SYT17: variants seen among roughly 807,000 people sequenced by gnomAD.
The protein encoded by SYT17 is synaptotagmin-17.
In SYT17, 22 loss-of-function variants were observed where a neutral mutation model predicts 46.7. The observed-to-expected ratio is 0.47, with a 90% confidence interval of 0.34 to 0.67. The LOEUF (loss-of-function observed/expected upper bound fraction) is 0.67, where lower values mean the gene tolerates loss of function less well. SYT17 is among the 30% of genes least tolerant of loss of function. The pLI is 0.01. For synonymous variants in SYT17, 251 were observed against 248.4 expected, an observed-to-expected ratio of 1.01 and a Z score of -0.10; for missense variants, 519 against 612.8, an observed-to-expected ratio of 0.85 and a Z score of 1.62.
intron 5 of SYT17, among the ~76,000 whole-genome samples, chr16:19,190,872 C>T (rs373655649): frequency 4.6e-5 from 7 of 151,726 alleles, no homozygotes; most frequent in South Asian, 2.1e-4. Flanking sequence ...CAATGGACAA[C>T]GGTGCCTCCA....
intron 7 of SYT17, among the ~76,000 whole-genome samples, chr16:19,238,748 A>G (rs1966887446): frequency 6.6e-6 from 1 of 151,862 alleles, no homozygotes; most frequent in African/African-American, 2.4e-5. Context: ...GGCCTAAGCT[A>G]TACGAGGGGT....
intron 5 of SYT17, among the ~76,000 whole-genome samples, chr16:19,197,239 C>T (rs1348942422): frequency 2.6e-5 from 4 of 152,220 alleles, no homozygotes; most frequent in African/African-American, 9.6e-5. Context: ...CAGAGCTGGG[C>T]CCAGGCCAGC....
intron 7 of SYT17, among the ~76,000 whole-genome samples, chr16:19,231,162 T>C (rs952791551): frequency 6.6e-6 from 1 of 152,202 alleles, no homozygotes; most frequent in African/African-American, 2.4e-5. Flanking sequence ...GGTAAAGTTT[T>C]GGAGAAATCC....
chr16:19,229,062 T>G (rs1966592047), intron 7 of SYT17, among the ~76,000 whole-genome samples: 1 of 152,204 alleles, frequency 6.6e-6, no homozygotes, highest in Non-Finnish European at 1.5e-5. Flanking sequence ...AAATTGCTTT[T>G]CACCGCCCAA....
intron 5 of SYT17, among the ~76,000 whole-genome samples, chr16:19,208,064 A>G (rs1048206758): frequency 7.2e-5 from 11 of 152,220 alleles, no homozygotes; most frequent in Non-Finnish European, 1.2e-4. Context: ...ACCTCTTTAA[A>G]AAGTCAGAAA....
At chr16:19,197,446 G>GTTA (rs199952278) in intron 5 of SYT17, among the ~76,000 whole-genome samples, 1 of 149,172 alleles carries the variant, frequency 6.7e-6, no homozygotes, top group Admixed American at 6.7e-5. Context: ...TTGTTTGTTT[G>GTTA]TTATTATTAT....
rs1362074636 is a variant in SYT17 at position 19,168,750 on chromosome 16, C to G, written c.15+89C>G. Reference sequence around the variant, plus strand: ...GGGAGCGCGCGGAAGGGAGGGCCCACGGCTAGGCTCCCACAAACTTGCTTC... The same window carrying G: ...GGGAGCGCGCGGAAGGGAGGGCCCAGGGCTAGGCTCCCACAAACTTGCTTC... On this transcript the variant is annotated intron_variant, in intron 1 of 7. Transcript: ENST00000355377. This position sits in a 1 kb window ranked among gnomAD's most constrained non-coding sequence, Gnocchi z 6.9. The G allele has an allele frequency of 1.5e-6, 2 of 1,379,304 alleles. No homozygotes were observed. Among genetic ancestry groups the G allele is most frequent in the Non-Finnish European group, 9.5e-7 (1 of 1,049,116 alleles). The allele number at this position is 1,379,304 out of a possible 1,614,324, so 85.4% of individuals were successfully genotyped here.
intron 5 of SYT17, among the ~76,000 whole-genome samples, chr16:19,203,358 G>A (rs528895308): frequency 9.9e-5 from 15 of 151,894 alleles, no homozygotes; most frequent in African/African-American, 3.4e-4. Flanking sequence ...ATAGCTGGGC[G>A]TGGTGGTGCA....
chr16:19,178,340 C>T (rs1276534300), intron 3 of SYT17, among the ~76,000 whole-genome samples: 4 of 152,034 alleles, frequency 2.6e-5, no homozygotes, highest in Non-Finnish European at 5.9e-5. Context: ...CCGCCTCAGC[C>T]TCCCAAAATG....
At chr16:19,205,502 T>C (rs1965634608) in intron 5 of SYT17, among the ~76,000 whole-genome samples, 1 of 151,908 alleles carries the variant, frequency 6.6e-6, no homozygotes. Context: ...TACAGTGGCG[T>C]GATCTCAGCT....
intron 5 of SYT17, chr16:19,211,292 A>G (rs1965889190): frequency 3.1e-6 from 2 of 638,532 alleles, no homozygotes; most frequent in Middle Eastern, 3.0e-4. Context: ...TGGATAGGAC[A>G]GGGGGTGGAA....
intron 7 of SYT17, among the ~76,000 whole-genome samples, chr16:19,250,891 C>A (rs1968012798): frequency 6.6e-6 from 1 of 152,154 alleles, no homozygotes; most frequent in African/African-American, 2.4e-5. Context: ...TCCCCCTCCC[C>A]CAGGGCAGCC....
intron 7 of SYT17, among the ~76,000 whole-genome samples, chr16:19,235,665 A>G (rs776639140): frequency 6.6e-6 from 1 of 152,232 alleles, no homozygotes; most frequent in Non-Finnish European, 1.5e-5. Flanking sequence ...TATTATAACC[A>G]TGCTCCACGA....
chr16:19,200,928 G>T (rs958651957), intron 5 of SYT17, among the ~76,000 whole-genome samples: 5 of 152,140 alleles, frequency 3.3e-5, no homozygotes, highest in African/African-American at 4.8e-5. Context: ...GCAGAAGGTC[G>T]GATCAGCTCA....
chr16:19,268,199 CTCTCTCTCTCTCTCTT>C lies in SYT17; in HGVS notation c.*1137_*1152del, dbSNP rs1969491359. The C allele has an allele frequency of 9.4e-6, 1 of 106,940 alleles. No individual in the cohort carries two copies. The highest frequency in any genetic ancestry group is 1.1e-4 in the Admixed American group (1 of 9,106). The allele number at this position is 106,940 out of a possible 1,614,324, so 6.6% of individuals were successfully genotyped here. A position where few individuals can be genotyped will look rare whatever the true frequency, so the allele number is the denominator to read the frequency against. ...AGGAATTAGTGTAGTTAGAATAGAT[CTCTCTCTCTCTCTCTT>C]TCTCTCTCTCTCTTTCCTCTCTCTC... On this transcript the variant is annotated 3_prime_UTR_variant, in exon 8 of 8. Transcript: ENST00000355377.
chr16:19,193,145 C>T (rs1017961391), intron 5 of SYT17, among the ~76,000 whole-genome samples: 2 of 152,340 alleles, frequency 1.3e-5, no homozygotes, highest in African/African-American at 2.4e-5. Flanking sequence ...CATAAGCTGG[C>T]GTGGCAAGTG....
chr16:19,209,384 A>G (rs1223761384), intron 5 of SYT17, among the ~76,000 whole-genome samples: 1 of 152,252 alleles, frequency 6.6e-6, no homozygotes, highest in Non-Finnish European at 1.5e-5. Flanking sequence ...ATGAGAAAGC[A>G]TAAGTAGCTG....
At position 19,249,046 on chromosome 16, in the gene SYT17, G is replaced by A. The variant is rs557035387; in HGVS notation, c.1229-17834G>A. On this transcript the variant is annotated intron_variant, in intron 7 of 7. Transcript: ENST00000355377. ...TCCCAGCACTTTGGGAGGCCGAGGC[G>A]GGTGGATCACAAGGTCAGGAGATCA... Among the ~76,000 whole-genome samples, 9 of 152,140 alleles carry A rather than the reference G, an allele frequency of 5.9e-5. 1 individual carries two copies. The South Asian group carries it at 1.9e-3, about 32-fold the overall frequency.
In SYT17 at chr16:19,267,107, TAA is replaced by T. The variant is rs11379176; in HGVS notation, c.*46_*47del. On this transcript the variant is annotated 3_prime_UTR_variant, in exon 8 of 8. Transcript: ENST00000355377. The stretch of plus-strand genomic sequence containing the variant: ...GCAGGGAAGGCAGCTTTCATTTGTT[TAA>T]AAAAAAAAAAAAAAGACGGAAAAAA... The T allele has an allele frequency of 5.0e-3, 6,511 of 1,296,850 alleles. No homozygotes were observed. The highest frequency in any genetic ancestry group is 5.8e-3 in the Middle Eastern group (21 of 3,606). The allele number at this position is 1,296,850 out of a possible 1,614,324, so 80.3% of individuals were successfully genotyped here. A position where few individuals can be genotyped will look rare whatever the true frequency, so the allele number is the denominator to read the frequency against.
Sources: allele counts gnomAD v4.1 joint callset (sites outside exome capture counted in the v4.1 genomes callset), GRCh38; gene constraint gnomAD v4.1.1; non-coding constraint Gnocchi (gnomAD v3.1); transcripts MANE v1.5; gene names NCBI Gene and HGNC (gene_info 2026-07-23, HGNC 2026-07-21).